RNASEH2B: variants seen among roughly 807,000 people sequenced by gnomAD.
RNASEH2B encodes Aicardi-Goutieres syndrome 2 protein.
In RNASEH2B, 36 loss-of-function variants were observed where a neutral mutation model predicts 45.0. The observed-to-expected ratio is 0.80, with a 90% CI of 0.61 to 1.06. The LOEUF (loss-of-function observed/expected upper bound fraction) is 1.06. Ranked by LOEUF, RNASEH2B falls within the 50% of genes least tolerant of loss-of-function variation. The pLI, the probability that RNASEH2B is intolerant of heterozygous loss-of-function variation, is 0.00. For missense variants in RNASEH2B, 361 were observed against 360.3 expected (o/e 1.00, Z -0.02); for synonymous variants, 119 against 125.7 (o/e 0.95, Z 0.35).
intron 1 of RNASEH2B, chr13:50,910,429 G>A: frequency 3.2e-6 from 1 of 309,374 alleles, no homozygotes; most frequent in Non-Finnish European, 5.9e-6. Flanking sequence ...ACGCGGGTTC[G>A]CGGTCACCGG....
chr13:50,965,694 A>T (rs1456994396), intron 9 of RNASEH2B, among the ~76,000 whole-genome samples: 2 of 152,298 alleles, frequency 1.3e-5, no homozygotes, highest in East Asian at 3.9e-4. Context: ...ATAAACTTGT[A>T]TGGGCCTTAA....
At chr13:50,915,093 G>A (rs777764162) in intron 1 of RNASEH2B, among the ~76,000 whole-genome samples, 6 of 152,186 alleles carry the variant, frequency 3.9e-5, no homozygotes, top group Non-Finnish European at 5.9e-5. Flanking sequence ...TGTGGTTTGA[G>A]TTACTCATAA....
Position 50,910,098 on chromosome 13 carries a change from G to A in RNASEH2B, c.22G>A (p.Gly8Arg), listed in dbSNP as rs1288796534. The A allele has an allele frequency of 1.4e-6, 2 of 1,463,292 alleles. No homozygotes were observed. Among genetic ancestry groups the A allele is most frequent in the Non-Finnish European group, 1.8e-6 (2 of 1,110,696 alleles). 90.6% of individuals were successfully genotyped at this position (1,463,292 alleles called of 1,614,324 possible). A position where few individuals can be genotyped will look rare whatever the true frequency, so the allele number is the denominator to read the frequency against. MAAGVDCGDGVGARQHVF... is the reference protein window; with the variant it reads MAAGVDCRDGVGARQHVF... ...CGGCATGGCCGCTGGCGTGGACTGC[G>A]GGGACGGGGTTGGCGCCCGGCAGCA... Residue 8 changes from glycine (G) to arginine (R), a missense_variant, in exon 1 of 11, where the codon GGG (glycine) becomes AGG (arginine). Gly to Arg is a moderately radical substitution (Grantham distance 125). Coordinates refer to ENST00000336617, the MANE Select transcript of RNASEH2B (RefSeq NM_024570.4).
chr13:50,924,684 G>A (rs962130541), intron 1 of RNASEH2B, among the ~76,000 whole-genome samples: 21 of 151,924 alleles, frequency 1.4e-4, no homozygotes, highest in African/African-American at 4.1e-4. Flanking sequence ...TTAGCCTCCC[G>A]AGTAGCTGGG....
In RNASEH2B at chr13:50,956,749, G is replaced by T; in HGVS notation, c.*275G>T. On this transcript the variant is annotated 3_prime_UTR_variant, in exon 11 of 11. Coordinates refer to ENST00000336617, the MANE Select transcript of RNASEH2B (RefSeq NM_024570.4). ...AGCATCATGATTTTCTCAATAAACT[G>T]ATGTGTGACAATGTTAGAGTGTATG... 8.4e-7 allele frequency: 1 copy of T among 1,185,700 alleles called. No homozygotes were observed. The highest frequency in any genetic ancestry group is 1.1e-6 in the Non-Finnish European group (1 of 944,772). The allele number at this position is 1,185,700 out of a possible 1,614,324, so 73.4% of individuals were successfully genotyped here. A position where few individuals can be genotyped will look rare whatever the true frequency, so the allele number is the denominator to read the frequency against.
At chr13:50,966,753 A>G (rs1355926709) in intron 9 of RNASEH2B, among the ~76,000 whole-genome samples, 1 of 152,034 alleles carries the variant, frequency 6.6e-6, no homozygotes, top group Non-Finnish European at 1.5e-5. Context: ...CCAAAATCAT[A>G]TTTCTCTTAT....
chr13:50,966,478 T>TA (rs1952165873), intron 9 of RNASEH2B, among the ~76,000 whole-genome samples: 1 of 152,220 alleles, frequency 6.6e-6, no homozygotes, highest in Admixed American at 6.5e-5. Context: ...CTTGGGTACA[T>TA]AGACAAAAGC....
At chr13:50,968,298 G>A (rs1040317498) in intron 9 of RNASEH2B, among the ~76,000 whole-genome samples, 1 of 152,148 alleles carries the variant, frequency 6.6e-6, no homozygotes, top group Non-Finnish European at 1.5e-5. Context: ...TACTTGGGAG[G>A]CTGAGGAGGG....
chr13:50,919,940 C>G (rs115496655), intron 1 of RNASEH2B, among the ~76,000 whole-genome samples: 1,577 of 152,310 alleles, frequency 0.01, 23 homozygotes, highest in African/African-American at 0.029. Context: ...CTCTTTGTCA[C>G]TGGTATGTTT....
intron 9 of RNASEH2B, among the ~76,000 whole-genome samples, chr13:50,963,194 C>T (rs1046937253): frequency 1.2e-4 from 18 of 151,936 alleles, no homozygotes; most frequent in Middle Eastern, 3.4e-3. Flanking sequence ...GATGGAGTTT[C>T]GCTCTTGTTG....
intron 6 of RNASEH2B, among the ~76,000 whole-genome samples, chr13:50,945,187 T>G (rs1951884952): frequency 6.6e-6 from 1 of 152,194 alleles, no homozygotes; most frequent in African/African-American, 2.4e-5. Flanking sequence ...ATATGTTGCC[T>G]TCTCATATTG....
rs180845073 is a variant in RNASEH2B at position 50,923,113 on chromosome 13, A to G, written c.65-4294A>G. On this transcript the variant is annotated intron_variant, in intron 1 of 10. Coordinates refer to ENST00000336617, the MANE Select transcript of RNASEH2B (RefSeq NM_024570.4). The stretch of plus-strand genomic sequence containing the variant: ...AGAAAACTCAAAGACAGGCCAATTG[A>G]GATTATCCAGGGTGAGGAACATAAA... 2.0e-5 allele frequency among the ~76,000 whole-genome samples: 3 copies of G among 152,320 alleles called. No homozygotes were observed. In the East Asian group the frequency reaches 5.8e-4, roughly 29 times the overall value.
intron 2 of RNASEH2B, chr13:50,928,297 T>A (rs910091044): frequency 6.6e-6 from 1 of 152,220 alleles, no homozygotes. Flanking sequence ...AGTGCCTTGT[T>A]GTTATAGAGA....
intron 9 of RNASEH2B, 70 bp from the exon 10 acceptor site, chr13:50,953,835 G>GT (rs113879083): frequency 5.4e-3 from 5,321 of 988,212 alleles, no homozygotes; most frequent in Non-Finnish European, 7.2e-3. Flanking sequence ...TACATGTTGG[G>GT]TTTTTTTTTA....
chr13:50,921,061 G>A (rs1284651084), intron 1 of RNASEH2B: 2 of 152,182 alleles, frequency 1.3e-5, no homozygotes, highest in African/African-American at 4.8e-5. Context: ...CCACGTAGTT[G>A]AGGGAAGGGT....
chr13:50,916,123 T>C (rs2137888611), intron 1 of RNASEH2B, among the ~76,000 whole-genome samples: 1 of 152,114 alleles, frequency 6.6e-6, no homozygotes, highest in East Asian at 1.9e-4. Flanking sequence ...AATTTGTCCA[T>C]CATCCTCACC....
At chr13:50,944,440 C>G (rs1027396628) in intron 6 of RNASEH2B, among the ~76,000 whole-genome samples, 3 of 150,816 alleles carry the variant, frequency 2.0e-5, no homozygotes, top group Admixed American at 6.6e-5. Context: ...CATCACACAC[C>G]GGGGCTGTTT....
In RNASEH2B at chr13:50,946,929, T is replaced by A. The variant is rs186304978; in HGVS notation, c.617-1058T>A. On this transcript the variant is annotated intron_variant, in intron 7 of 10. Coordinates refer to ENST00000336617, the MANE Select transcript of RNASEH2B (RefSeq NM_024570.4). ...TTGGATAATGACTATCCCAGATCCA[T>A]GAGCAATTTTAAGAAGGGTCAAATG... is the stretch of plus-strand genomic sequence containing the variant. Among the ~76,000 whole-genome samples, 247 of 152,308 alleles carry A rather than the reference T, an allele frequency of 1.6e-3. 1 individual carries two copies. The highest frequency in any genetic ancestry group is 5.7e-3 in the African/African-American group (235 of 41,570).
intron 10 of RNASEH2B, chr13:50,954,985 T>A (rs993969765): frequency 1.3e-5 from 2 of 152,242 alleles, no homozygotes; most frequent in Non-Finnish European, 2.9e-5. Context: ...CCTGTTTTTA[T>A]GTTGAGATAG....
Sources: gnomAD v4.1 joint callset for allele counts (sites outside exome capture counted in the v4.1 genomes callset) on GRCh38, gnomAD v4.1.1 for gene constraint, MANE v1.5 for transcripts, NCBI Gene and HGNC (gene_info 2026-07-23, HGNC 2026-07-21) for gene names.